BRCA2: variants seen among roughly 807,000 people sequenced by gnomAD.
BRCA2 encodes the protein breast cancer type 2 susceptibility protein.
BRCA2 carries 203 observed loss-of-function variants against 276.7 expected under a neutral mutation model. The observed-to-expected ratio is 0.73, with a 90% CI of 0.65 to 0.82. BRCA2 has a LOEUF of 0.82. Among genes scored for constraint, BRCA2 ranks in the 40% least tolerant of loss-of-function variants. The probability of loss-of-function intolerance (pLI) is 0.00; values close to 1 mark genes in which losing one functional copy is unlikely to be tolerated. For missense variants in BRCA2, 3,920 were observed against 3,915.0 expected, an observed-to-expected ratio of 1.00 and a Z score of -0.03; for synonymous variants, 1,289 against 1,338.4, an observed-to-expected ratio of 0.96 and a Z score of 0.81.
chr13:32,384,564 A>AAG, intron 24 of BRCA2: 1 of 161,404 alleles, frequency 6.2e-6, no homozygotes, highest in Non-Finnish European at 1.4e-5. Flanking sequence ...CTTGGCCCCA[A>AAG]GGCAAGGTGT....
At chr13:32,345,430 T>C (rs546697980) in intron 12 of BRCA2, among the ~76,000 whole-genome samples, 17 of 152,180 alleles carry the variant, frequency 1.1e-4, no homozygotes, top group African/African-American at 3.8e-4. Flanking sequence ...TGGTTGTAGA[T>C]ACCTAACAGG....
At chr13:32,356,289 T>G in intron 14 of BRCA2, 139 bp from the exon 15 acceptor site, 1 of 781,678 alleles carries the variant, frequency 1.3e-6, no homozygotes, top group Non-Finnish European at 2.1e-6. Flanking sequence ...AGGCTGGTCT[T>G]GAACTCCCGA....
intron 7 of BRCA2, among the ~76,000 whole-genome samples, chr13:32,327,768 A>ATT (rs113733140): frequency 2.1e-4 from 30 of 144,156 alleles, no homozygotes; most frequent in Admixed American, 2.8e-4. Context: ...AGTTGTGACT[A>ATT]TTTTTTTTTT....
intron 20 of BRCA2, 129 bp from the exon 21 acceptor site, chr13:32,376,541 A>C: frequency 1.9e-6 from 2 of 1,077,114 alleles, no homozygotes; most frequent in Non-Finnish European, 2.7e-6. Context: ...AAAAAGAAAA[A>C]ACTTTTAGCA....
At chr13:32,316,013 AGT>A (rs1230969632) in intron 1 of BRCA2, among the ~76,000 whole-genome samples, 3 of 152,182 alleles carry the variant, frequency 2.0e-5, no homozygotes, top group Non-Finnish European at 4.4e-5. Flanking sequence ...GTTTTGGGGA[AGT>A]GTTTTACAGC....
rs587781418 is a variant in BRCA2, at chr13:32,338,922, G to C, written c.4567G>C (p.Gly1523Arg). Residue 1523 changes from glycine (G) to arginine (R), a missense_variant, in exon 11 of 27, where the codon GGT becomes CGT. Transcript: ENST00000380152. ...AAAGATCAAAGAACCTACTCTATTG[G>C]GTTTTCATACAGCTAGCGGGAAAAA... Reference protein sequence around the residue: ...DEKIKEPTLLGFHTASGKKVK... With the variant: ...DEKIKEPTLLRFHTASGKKVK... The C allele has an allele frequency of 1.2e-6, 2 of 1,613,770 alleles. No homozygotes were observed. The highest frequency in any genetic ancestry group is 4.5e-5 in the East Asian group (2 of 44,884).
At chr13:32,320,856 A>C (rs1483521405) in intron 3 of BRCA2, among the ~76,000 whole-genome samples, 2 of 152,218 alleles carry the variant, frequency 1.3e-5, no homozygotes, top group African/African-American at 2.4e-5. Flanking sequence ...TCAAAATGTC[A>C]TGTCTGTGCC....
chr13:32,396,774 A>T, intron 25 of BRCA2, 124 bp from the exon 26 acceptor site: 1 of 1,232,020 alleles, frequency 8.1e-7, no homozygotes, highest in Non-Finnish European at 1.2e-6. Context: ...TTGGTATCAC[A>T]TTTAGGGTTT....
chr13:32,378,147 G>A (rs1451940611), intron 21 of BRCA2, among the ~76,000 whole-genome samples: 2 of 152,196 alleles, frequency 1.3e-5, no homozygotes, highest in Non-Finnish European at 2.9e-5. Flanking sequence ...CATGAAGATA[G>A]CTTTAATTTC....
chr13:32,356,730 G>T, intron 15 of BRCA2, 121 bp downstream of exon 15: 2 of 1,214,882 alleles, frequency 1.6e-6, no homozygotes, highest in South Asian at 2.6e-5. Flanking sequence ...ATGGATGAAT[G>T]AAATCATCAT....
At chr13:32,343,499 TG>T (rs2072588539) in intron 11 of BRCA2, among the ~76,000 whole-genome samples, 2 of 152,194 alleles carry the variant, frequency 1.3e-5, no homozygotes, top group Non-Finnish European at 2.9e-5. Flanking sequence ...CTTAATCAAG[TG>T]TTGTCCAGGT....
rs2137502442 is a variant in BRCA2, at chr13:32,338,403, C to G, written c.4048C>G (p.His1350Asp). ...DSSKNDTVCI[H>D]KDETDLLFTD... is the part of the protein sequence containing the mutation. Reference sequence around the variant, plus strand: ...AAGTAAAAATGATACTGTTTGTATTCATAAAGATGAAACGGACTTGCTATT... The same window carrying G: ...AAGTAAAAATGATACTGTTTGTATTGATAAAGATGAAACGGACTTGCTATT... Residue 1350 changes from histidine to aspartate, a missense_variant, in exon 11 of 27, where the codon CAT (histidine) becomes GAT (aspartate). Physicochemically the swap from His to Asp is moderately conservative, Grantham distance 81. Transcript: ENST00000380152. The G allele has an allele frequency of 6.2e-7, 1 of 1,601,936 alleles. No homozygotes were observed. Among genetic ancestry groups the G allele is most frequent in the Non-Finnish European group, 8.5e-7 (1 of 1,176,148 alleles).
At chr13:32,375,292 C>A in intron 20 of BRCA2, 1 of 387,792 alleles carries the variant, frequency 2.6e-6, no homozygotes, top group Non-Finnish European at 5.0e-6. Flanking sequence ...GTCACATCTT[C>A]AGGCTTTACT....
intron 13 of BRCA2, among the ~76,000 whole-genome samples, chr13:32,353,724 A>G (rs916370601): frequency 6.6e-5 from 10 of 152,248 alleles, no homozygotes; most frequent in African/African-American, 1.7e-4. Flanking sequence ...GGGCGAACGG[A>G]TAACTAAAGG....
At chr13:32,375,108 A>G (rs2072862262) in intron 20 of BRCA2, among the ~76,000 whole-genome samples, 1 of 152,178 alleles carries the variant, frequency 6.6e-6, no homozygotes, top group African/African-American at 2.4e-5. Flanking sequence ...GAACTCCCTC[A>G]CTATCATGGA....
intron 24 of BRCA2, among the ~76,000 whole-genome samples, chr13:32,388,783 A>T (rs1270259538): frequency 6.6e-6 from 1 of 151,372 alleles, no homozygotes; most frequent in Non-Finnish European, 1.5e-5. Context: ...TTTTTAATCT[A>T]CCTTTGTCGA....
Position 32,357,986 on chromosome 13 carries a change from C to A in BRCA2, c.7805+57C>A, listed in dbSNP as rs909186565. 9 of 1,560,950 alleles carry A rather than the reference C, an allele frequency of 5.8e-6. No individual in the cohort carries two copies. In the Admixed American group the frequency reaches 6.7e-5, roughly 12 times the overall value. ...TTTATGTATTCCCTCATCCCTCTTTCTTCTCTTAACTGTCTCTCGAACTAA... is the reference window on the plus strand; with the variant it reads ...TTTATGTATTCCCTCATCCCTCTTTATTCTCTTAACTGTCTCTCGAACTAA... On this transcript the variant is annotated intron_variant, in intron 16 of 26. Coordinates refer to ENST00000380152, the MANE Select transcript of BRCA2 (RefSeq NM_000059.4).
In BRCA2 at chr13:32,323,006, A is replaced by G. The variant is rs11571601; in HGVS notation, c.317-2070A>G. Among the ~76,000 whole-genome samples, 1,134 of 152,296 alleles carry G rather than the reference A, an allele frequency of 7.4e-3. 19 individuals are homozygous for G. Among genetic ancestry groups the G allele is most frequent in the African/African-American group, 0.026 (1,080 of 41,564 alleles). On this transcript the variant is annotated intron_variant, in intron 3 of 26. Coordinates refer to ENST00000380152, the MANE Select transcript of BRCA2 (RefSeq NM_000059.4). ...ATGAGAAACTACAAGCTTTCTTCCA[A>G]AGTAGCTGTTGCATTTTGTATTCCC...
At chr13:32,316,354 G>C (rs1330953606) in intron 1 of BRCA2, 68 bp from the exon 2 acceptor site, 1 of 1,022,338 alleles carries the variant, frequency 9.8e-7, no homozygotes, top group Non-Finnish European at 1.5e-6. Flanking sequence ...GCGCTTCTGA[G>C]TTTTACCTCA....
Sources: gnomAD v4.1 joint callset for allele counts (sites outside exome capture counted in the v4.1 genomes callset) on GRCh38, gnomAD v4.1.1 for gene constraint, MANE v1.5 for transcripts, NCBI Gene and HGNC (gene_info 2026-07-23, HGNC 2026-07-21) for gene names.